The following LTBP1 variants were observed in gnomAD, a reference collection of about 807,000 sequenced individuals.
LTBP1 encodes latent transforming growth factor beta binding protein 1.
Under a neutral mutation model 207.6 loss-of-function variants are expected in LTBP1, and 129 were observed. That is an observed-to-expected ratio of 0.62 (90% CI 0.54 to 0.72). LTBP1 has a LOEUF of 0.72. LTBP1 is among the 30% of genes least tolerant of loss of function. LTBP1 has a pLI of 0.00. For missense variants in LTBP1, 2,281 were observed against 2,217.2 expected (o/e 1.03, Z -0.58); for synonymous variants, 963 against 833.7 (o/e 1.16, Z -2.67).
intron 24 of LTBP1, among the ~76,000 whole-genome samples, chr2:33,332,575 T>A (rs76079291): frequency 6.6e-6 from 1 of 151,610 alleles, no homozygotes; most frequent in Non-Finnish European, 1.5e-5. Context: ...TTTTTTTTTT[T>A]ATATGGAGTC....
At chr2:33,397,314 A>AT (rs1558362026) in intron 33 of LTBP1, 32 bp downstream of exon 33, 1 of 1,611,272 alleles carries the variant, frequency 6.2e-7, no homozygotes, top group East Asian at 2.2e-5. Flanking sequence ...TGGGACATTA[A>AT]TTTTTTCCTG....
intron 3 of LTBP1, among the ~76,000 whole-genome samples, chr2:33,048,649 C>T (rs367688376): frequency 6.6e-6 from 1 of 152,184 alleles, no homozygotes; most frequent in Admixed American, 6.5e-5. Flanking sequence ...GGTCCAGATG[C>T]CAGAAGATCT....
chr2:33,294,352 A>G (rs554355573), intron 20 of LTBP1, among the ~76,000 whole-genome samples: 1 of 151,726 alleles, frequency 6.6e-6, no homozygotes, highest in East Asian at 2.0e-4. Context: ...GCCTCCCACC[A>G]TGCCCAGCTA....
chr2:32,997,159 AC>A (rs1447468024), intron 2 of LTBP1, among the ~76,000 whole-genome samples: 1 of 152,092 alleles, frequency 6.6e-6, no homozygotes, highest in Non-Finnish European at 1.5e-5. Flanking sequence ...TGCTGGGATT[AC>A]AGGTGTGAGC....
At chr2:33,233,271 A>T (rs1368021620) in intron 9 of LTBP1, among the ~76,000 whole-genome samples, 1 of 151,744 alleles carries the variant, frequency 6.6e-6, no homozygotes, top group East Asian at 1.9e-4. Flanking sequence ...CCATTTTCCA[A>T]TTTTCTAATT....
Position 33,389,307 on chromosome 2 carries a change from G to A in LTBP1, c.4834+1G>A, listed in dbSNP as rs758786612. ...GCCGATCCCTACTTCATCCAAGACC[G>A]TAAGCAAAATAACCTTGTTCCTTTG... On this transcript the variant is annotated splice_donor_variant, in intron 32 of 33. Coordinates refer to ENST00000404816, the MANE Select transcript of LTBP1 (RefSeq NM_206943.4). LOFTEE classifies it high-confidence loss of function. The A allele has an allele frequency of 3.7e-6, 6 of 1,614,010 alleles. No homozygotes were observed. The highest frequency in any genetic ancestry group is 5.1e-6 in the Non-Finnish European group (6 of 1,179,952).
intron 24 of LTBP1, among the ~76,000 whole-genome samples, chr2:33,342,049 A>G (rs1157128889): frequency 6.6e-6 from 1 of 152,186 alleles, no homozygotes; most frequent in East Asian, 1.9e-4. Context: ...GGAGAACGGG[A>G]AGGAAAGAAC....
At chr2:33,254,351 A>G (rs1266349469) in intron 11 of LTBP1, among the ~76,000 whole-genome samples, 5 of 152,140 alleles carry the variant, frequency 3.3e-5, no homozygotes, top group East Asian at 3.9e-4. Context: ...CAGGGGTAAA[A>G]GTGGAAGCTC....
At chr2:33,343,845 C>A (rs999474613) in intron 25 of LTBP1, among the ~76,000 whole-genome samples, 2 of 152,088 alleles carry the variant, frequency 1.3e-5, no homozygotes, top group African/African-American at 4.8e-5. Flanking sequence ...TTCTTCACGT[C>A]AAACTCATTA....
chr2:33,193,378 G>A (rs186294261), intron 7 of LTBP1, among the ~76,000 whole-genome samples: 121 of 152,276 alleles, frequency 7.9e-4, no homozygotes, highest in African/African-American at 2.9e-3. Context: ...CTGACCTCAG[G>A]TGATCCACCC....
intron 4 of LTBP1, among the ~76,000 whole-genome samples, chr2:33,129,393 A>G (rs974999093): frequency 2.0e-5 from 3 of 152,208 alleles, no homozygotes; most frequent in African/African-American, 7.2e-5. Context: ...CAGGGCACAC[A>G]CCTCAGTTCT....
intron 20 of LTBP1, among the ~76,000 whole-genome samples, chr2:33,299,050 C>T (rs1455695030): frequency 3.3e-5 from 5 of 151,914 alleles, no homozygotes; most frequent in African/African-American, 7.3e-5. Flanking sequence ...ACGAGGCAGG[C>T]GGATCATGAG....
At chr2:33,226,340 C>A (rs2091436682) in intron 9 of LTBP1, among the ~76,000 whole-genome samples, 1 of 152,148 alleles carries the variant, frequency 6.6e-6, no homozygotes, top group African/African-American at 2.4e-5. Context: ...GCAGTATAAT[C>A]TAAAGTAATT....
chr2:33,287,351 A>G (rs747184479), intron 19 of LTBP1, among the ~76,000 whole-genome samples: 2 of 152,240 alleles, frequency 1.3e-5, no homozygotes, highest in Non-Finnish European at 2.9e-5. Context: ...TTTTATCTCT[A>G]AATCCAGTGT....
At chr2:32,989,243 C>G (rs1401599649) in intron 2 of LTBP1, among the ~76,000 whole-genome samples, 1 of 152,078 alleles carries the variant, frequency 6.6e-6, no homozygotes, top group Non-Finnish European at 1.5e-5. Context: ...AATGTGGGAA[C>G]CAGTGAGGTG....
At chr2:33,325,816 G>A (rs536869864) in intron 24 of LTBP1, among the ~76,000 whole-genome samples, 1 of 152,224 alleles carries the variant, frequency 6.6e-6, no homozygotes, top group East Asian at 1.9e-4. Context: ...TTATTTCATA[G>A]TAAACTGTAA....
intron 2 of LTBP1, among the ~76,000 whole-genome samples, chr2:32,949,436 T>C (rs1676773413): frequency 6.6e-6 from 1 of 152,190 alleles, no homozygotes; most frequent in Admixed American, 6.5e-5. Flanking sequence ...CCTGATGGTT[T>C]TCTAGAATGC....
At chr2:33,081,644 T>TTAAATGTTTGTCTTCTCCCAAA (rs1445484941) in intron 3 of LTBP1, among the ~76,000 whole-genome samples, 8 of 152,166 alleles carry the variant, frequency 5.3e-5, no homozygotes, top group Admixed American at 5.2e-4. Flanking sequence ...GTGCTGTGGT[T>TTAAATGTTTGTCTTCTCCCAAA]TAAATGTTTG....
chr2:33,231,364 T>G, intron 9 of LTBP1, among the ~76,000 whole-genome samples: 1 of 152,222 alleles, frequency 6.6e-6, no homozygotes, highest in East Asian at 1.9e-4. Context: ...TCCTTTTAGA[T>G]AAAAAGTTCC....
Sources: gnomAD v4.1 joint callset for allele counts (sites outside exome capture counted in the v4.1 genomes callset) on GRCh38, gnomAD v4.1.1 for gene constraint, MANE v1.5 for transcripts, NCBI Gene and HGNC (gene_info 2026-07-23, HGNC 2026-07-21) for gene names.